Variants in MVB12A observed in about 807,000 individuals in gnomAD.
The protein encoded by MVB12A is multivesicular body subunit 12A.
Under a neutral mutation model 34.3 loss-of-function variants are expected in MVB12A, and 30 were observed. That is an observed-to-expected ratio of 0.88 (90% CI 0.65 to 1.19). The LOEUF is 1.19. MVB12A is among the 50% of genes most tolerant of loss of function. The probability of loss-of-function intolerance (pLI) is 0.00; values close to 1 mark genes in which losing one functional copy is unlikely to be tolerated. For synonymous variants in MVB12A, 158 were observed against 158.9 expected (o/e 0.99, Z 0.04); for missense variants, 355 against 369.2 (o/e 0.96, Z 0.31).
chr19:17,423,806 A>C lies in MVB12A; in HGVS notation c.640+7A>C. On this transcript the variant is annotated splice_region_variant and intron_variant, in intron 6 of 8. Coordinates refer to ENST00000317040, the MANE Select transcript of MVB12A (RefSeq NM_138401.4). ...AGCCTCTATGGCATCTCAGGTGAGC[A>C]CAGAGTGGGGAAACTGAGGCGTGGA... is the stretch of plus-strand genomic sequence containing the variant. 6.2e-7 allele frequency: 1 copy of C among 1,612,960 alleles called. No individual in the cohort carries two copies. The highest frequency in any genetic ancestry group is 8.5e-7 in the Non-Finnish European group (1 of 1,179,082).
intron 2 of MVB12A, among the ~76,000 whole-genome samples, chr19:17,407,339 A>G (rs771846133): frequency 6.6e-6 from 1 of 152,116 alleles, no homozygotes. Context: ...AAAAGAAAAG[A>G]CAGCTGGGCC....
rs532787012 is a variant in MVB12A, at chr19:17,409,821, G to A, written c.-5+3525G>A. Among the ~76,000 whole-genome samples the A allele has an allele frequency of 7.3e-5, 11 of 150,270 alleles. No individual in the cohort carries two copies. The South Asian group carries it at 1.1e-3, about 14-fold the overall frequency. ...GGCTGGGGTGCATTGGCACGATCTCGTCTCACTGCAACCTCTGACCTCCGC... is the reference window on the plus strand; with the variant it reads ...GGCTGGGGTGCATTGGCACGATCTCATCTCACTGCAACCTCTGACCTCCGC... On this transcript the variant is annotated intron_variant, in intron 2 of 6. Coordinates refer to the MVB12A transcript ENST00000528604.
At chr19:17,415,713 A>G (rs2145756340), upstream of MVB12A, 1 of 148,764 alleles carries the variant, frequency 6.7e-6, no homozygotes, top group African/African-American at 2.5e-5. Flanking sequence ...GCCGGCTTAA[A>G]TAAAGGACTC....
intron 8 of MVB12A, 98 bp from the exon 9 acceptor site, chr19:17,424,833 A>C: frequency 8.2e-7 from 1 of 1,214,504 alleles, no homozygotes; most frequent in Non-Finnish European, 1.2e-6. Flanking sequence ...AAGACCACTC[A>C]AGTCCCTAAG....
chr19:17,424,106 C>T (rs1356060711), intron 7 of MVB12A, 39 bp downstream of exon 7: 1 of 1,589,876 alleles, frequency 6.3e-7, no homozygotes, highest in Non-Finnish European at 8.6e-7. Context: ...CTGCGCCTGC[C>T]ATCACCATTC....
At chr19:17,406,791 T>C (rs902779672) in intron 2 of MVB12A, among the ~76,000 whole-genome samples, 4 of 152,098 alleles carry the variant, frequency 2.6e-5, no homozygotes, top group Non-Finnish European at 4.4e-5. Context: ...GCCTGGGTGA[T>C]AGAGTGGGAT....
At chr19:17,419,095 T>A (rs138326763), upstream of MVB12A, 53 of 152,244 alleles carry the variant, frequency 3.5e-4, no homozygotes, top group African/African-American at 1.3e-3. Flanking sequence ...AATCTCCATT[T>A]TGTGTAGATG....
At chr19:17,408,448 T>TTAAG (rs937677232) in intron 2 of MVB12A, among the ~76,000 whole-genome samples, 8 of 150,102 alleles carry the variant, frequency 5.3e-5, no homozygotes, top group Non-Finnish European at 1.5e-5. Context: ...AATTAATTAA[T>TTAAG]TAATTAATTT....
upstream of MVB12A, chr19:17,417,021 C>T (rs2145757375): frequency 2.7e-6 from 1 of 366,768 alleles, no homozygotes; most frequent in Non-Finnish European, 5.5e-6. Context: ...CATTGTCCTC[C>T]TCCTCTTCTT....
chr19:17,410,529 T>TATATATATAC lies in MVB12A; in HGVS notation c.-5+4234_-5+4235insTATATATACA. Among the ~76,000 whole-genome samples the TATATATATAC allele has an allele frequency of 2.3e-3, 168 of 74,352 alleles. 3 individuals are homozygous for TATATATATAC. Among genetic ancestry groups the TATATATATAC allele is most frequent in the East Asian group, 9.8e-3 (26 of 2,664 alleles). The allele number at this position is 74,352 out of a possible 152,430, so 48.8% of individuals were successfully genotyped here. A position where few individuals can be genotyped will look rare whatever the true frequency, so the allele number is the denominator to read the frequency against. On this transcript the variant is annotated intron_variant, in intron 2 of 6. Coordinates refer to the MVB12A transcript ENST00000528604. ...ATATATATATATATATATATATATA[T>TATATATATAC]ACACACACACATATATATATACACA... is the stretch of plus-strand genomic sequence containing the variant.
rs2074831660 is a variant in MVB12A at position 17,420,537 on chromosome 19, G to A, written c.190-1G>A. 1.2e-6 allele frequency: 2 copies of A among 1,613,148 alleles called. No homozygotes were observed. Among genetic ancestry groups the A allele is most frequent in the African/African-American group, 1.3e-5 (1 of 74,888 alleles). On this transcript the variant is annotated splice_acceptor_variant, in intron 2 of 8. Coordinates refer to ENST00000317040, the MANE Select transcript of MVB12A (RefSeq NM_138401.4). LOFTEE classifies it high-confidence loss of function. ...TCGCCGTGTCCCCCTTCCACCCCCA[G>A]AACCCGCAGGAGAACGTGGTGGCCG...
At chr19:17,410,496 T>TTATATATGTA (rs1568387298) in intron 2 of MVB12A, among the ~76,000 whole-genome samples, 5 of 31,508 alleles carry the variant, frequency 1.6e-4, no homozygotes, top group African/African-American at 5.0e-4. Flanking sequence ...GGTTTTAGCT[T>TTATATATGTA]CATATATATA....
chr19:17,424,689 G>A lies in MVB12A; in HGVS notation c.759+12G>A, dbSNP rs1345875661. The stretch of plus-strand genomic sequence containing the variant: ...ACATTGAGGAGGAGGTGGGTGCAGG[G>A]CTAGGGAGGAGGTGGGTGCAGGGCT... On this transcript the variant is annotated intron_variant, in intron 8 of 8. Transcript: ENST00000317040. 1 of 1,602,542 alleles carries A rather than the reference G, an allele frequency of 6.2e-7. No homozygotes were observed. The highest frequency in any genetic ancestry group is 8.5e-7 in the Non-Finnish European group (1 of 1,172,612).
chr19:17,407,288 C>T (rs191812456), intron 2 of MVB12A, among the ~76,000 whole-genome samples: 2 of 152,112 alleles, frequency 1.3e-5, no homozygotes, highest in Admixed American at 6.6e-5. Context: ...CTGTGTGCGG[C>T]GACGAGAGAG....
At chr19:17,410,539 C>CACACACACATAT (rs1389447180) in intron 2 of MVB12A, among the ~76,000 whole-genome samples, 1 of 69,678 alleles carries the variant, frequency 1.4e-5, no homozygotes, top group African/African-American at 8.4e-5. Context: ...TACACACACA[C>CACACACACATAT]ATATATATAT....
chr19:17,410,610 A>G (rs1287553523), intron 2 of MVB12A, among the ~76,000 whole-genome samples: 1 of 143,318 alleles, frequency 7.0e-6, no homozygotes, highest in Non-Finnish European at 1.5e-5. Context: ...ATATACACAT[A>G]TATATATATA....
At chr19:17,405,813 T>C in intron 1 of MVB12A, 2 of 444,858 alleles carry the variant, frequency 4.5e-6, no homozygotes, top group African/African-American at 2.0e-5. Context: ...CCTTGGGCCC[T>C]TCCCAGCTGG....
chr19:17,424,726 G>A, intron 8 of MVB12A, 49 bp downstream of exon 8: 1 of 1,556,498 alleles, frequency 6.4e-7, no homozygotes, highest in Non-Finnish European at 8.7e-7. Context: ...GGGAGGAGGT[G>A]CCTGAGGGGC....
At chr19:17,412,424 G>A (rs529283876) in intron 2 of MVB12A, among the ~76,000 whole-genome samples, 5 of 152,076 alleles carry the variant, frequency 3.3e-5, no homozygotes, top group South Asian at 2.1e-4. Context: ...GTGCCACCAC[G>A]CCCGGCTAAT....
Sources: gnomAD v4.1 joint callset for allele counts (sites outside exome capture counted in the v4.1 genomes callset) on GRCh38, gnomAD v4.1.1 for gene constraint, MANE v1.5 for transcripts, NCBI Gene and HGNC (gene_info 2026-07-23, HGNC 2026-07-21) for gene names.